The following ROBO1 variants were observed in gnomAD, a reference collection of about 807,000 sequenced individuals.
ROBO1 encodes the protein roundabout guidance receptor 1, also known as roundabout homolog 1.
Under a neutral mutation model 195.9 loss-of-function variants are expected in ROBO1, and 149 were observed. That is an observed-to-expected ratio of 0.76 (90% CI 0.67 to 0.87). The LOEUF (loss-of-function observed/expected upper bound fraction) is 0.87. ROBO1 is among the 40% of genes least tolerant of loss of function. The probability of loss-of-function intolerance (pLI) is 0.00; values close to 1 mark genes in which losing one functional copy is unlikely to be tolerated. For synonymous variants in ROBO1, 816 were observed against 733.2 expected (o/e 1.11, Z -1.82); for missense variants, 1,933 against 2,068.3 (o/e 0.93, Z 1.27).
chr3:79,509,655 A>T (rs1261031455), intron 2 of ROBO1, among the ~76,000 whole-genome samples: 1 of 152,102 alleles, frequency 6.6e-6, no homozygotes, highest in Non-Finnish European at 1.5e-5. Flanking sequence ...TCTGTTTAAC[A>T]TTACCCCGCA....
At chr3:79,375,327 T>C (rs2036342211) in intron 2 of ROBO1, among the ~76,000 whole-genome samples, 2 of 152,122 alleles carry the variant, frequency 1.3e-5, no homozygotes, top group Non-Finnish European at 2.9e-5. Context: ...GAGTCTACTA[T>C]GGCATGGACT....
intron 2 of ROBO1, among the ~76,000 whole-genome samples, chr3:79,581,077 A>G (rs1234126933): frequency 6.6e-6 from 1 of 152,182 alleles, no homozygotes; most frequent in Non-Finnish European, 1.5e-5. Flanking sequence ...TATAGAAAAA[A>G]TAGTTGAATG....
chr3:79,681,339 T>C (rs1245586260), intron 1 of ROBO1, among the ~76,000 whole-genome samples: 1 of 140,542 alleles, frequency 7.1e-6, no homozygotes, highest in African/African-American at 2.6e-5. Context: ...CCTATTATAA[T>C]GTCTTCAGGG....
intron 2 of ROBO1, among the ~76,000 whole-genome samples, chr3:79,494,709 AC>A (rs1939638037): frequency 6.6e-6 from 1 of 152,194 alleles, no homozygotes; most frequent in Non-Finnish European, 1.5e-5. Flanking sequence ...ATTGGTTTCC[AC>A]AAAAAAAGTG....
At chr3:78,851,107 C>T (rs2034034419) in intron 4 of ROBO1, among the ~76,000 whole-genome samples, 1 of 152,132 alleles carries the variant, frequency 6.6e-6, no homozygotes, top group African/African-American at 2.4e-5. Flanking sequence ...CACGCCCGGT[C>T]ACACCTATCA....
At chr3:79,622,601 G>C (rs901564224) in intron 1 of ROBO1, among the ~76,000 whole-genome samples, 2 of 152,186 alleles carry the variant, frequency 1.3e-5, no homozygotes, top group Non-Finnish European at 1.5e-5. Context: ...GCCTGACCCT[G>C]ACCCATCCTT....
At chr3:79,755,254 A>C (rs542738902) in intron 1 of ROBO1, among the ~76,000 whole-genome samples, 1 of 152,056 alleles carries the variant, frequency 6.6e-6, no homozygotes, top group East Asian at 1.9e-4. Flanking sequence ...TAATTGCTTA[A>C]TTTTTCTAAA....
chr3:79,596,922 T>C (rs112186303), intron 1 of ROBO1, among the ~76,000 whole-genome samples: 10 of 152,020 alleles, frequency 6.6e-5, no homozygotes, highest in African/African-American at 2.4e-4. Flanking sequence ...TATTATAGCA[T>C]GTATGGTGAA....
intron 4 of ROBO1, among the ~76,000 whole-genome samples, chr3:78,861,896 A>C (rs1376251819): frequency 6.6e-6 from 1 of 152,222 alleles, no homozygotes; most frequent in East Asian, 1.9e-4. Flanking sequence ...GGAACAGGGA[A>C]AGGCTGCCTG....
At chr3:79,182,570 T>TGTGTGC (rs779706587) in intron 2 of ROBO1, among the ~76,000 whole-genome samples, 44 of 150,030 alleles carry the variant, frequency 2.9e-4, no homozygotes, top group African/African-American at 8.7e-4. Context: ...TGTGTGTGTG[T>TGTGTGC]GCGTGCGTGC....
chr3:78,861,549 A>G (rs938290594), intron 4 of ROBO1, among the ~76,000 whole-genome samples: 1 of 152,178 alleles, frequency 6.6e-6, no homozygotes, highest in African/African-American at 2.4e-5. Flanking sequence ...CATTTTCATT[A>G]CATATTGCCA....
At chr3:78,905,402 C>T (rs1261333344) in intron 4 of ROBO1, among the ~76,000 whole-genome samples, 1 of 151,974 alleles carries the variant, frequency 6.6e-6, no homozygotes, top group Non-Finnish European at 1.5e-5. Context: ...CTTTGGGAGG[C>T]CAAGATGGGA....
intron 3 of ROBO1, among the ~76,000 whole-genome samples, chr3:78,946,498 G>T (rs577308673): frequency 1.9e-4 from 29 of 152,288 alleles, no homozygotes; most frequent in East Asian, 1.2e-3. Context: ...CACCAGGCCT[G>T]CCCTAAAAGA....
chr3:79,237,351 G>A (rs1006504392), intron 2 of ROBO1, among the ~76,000 whole-genome samples: 1 of 151,862 alleles, frequency 6.6e-6, no homozygotes, highest in Non-Finnish European at 1.5e-5. Flanking sequence ...GCGTGGTGGC[G>A]GCGCCTGTAG....
At chr3:79,553,542 A>C (rs1350648338) in intron 2 of ROBO1, among the ~76,000 whole-genome samples, 1 of 152,132 alleles carries the variant, frequency 6.6e-6, no homozygotes, top group Non-Finnish European at 1.5e-5. Flanking sequence ...AAAAGTGTTT[A>C]CTGTGTGGTC....
intron 2 of ROBO1, among the ~76,000 whole-genome samples, chr3:79,186,190 T>C (rs1443633530): frequency 1.3e-5 from 2 of 152,130 alleles, no homozygotes; most frequent in African/African-American, 2.4e-5. Context: ...AAGTTAACTT[T>C]ATTTGCTCTT....
In ROBO1 at chr3:79,051,888, C is replaced by A. The variant is rs181555364; in HGVS notation, c.172+73568G>T. On this transcript the variant is annotated intron_variant, in intron 3 of 30. Coordinates refer to ENST00000464233, the MANE Select transcript of ROBO1 (RefSeq NM_002941.4). Reference sequence around the variant, plus strand: ...TTATACTTTCCTATTCCCGTCTTTACTTTAATCTCTTAATCCCATCATCTT... The same window carrying A: ...TTATACTTTCCTATTCCCGTCTTTAATTTAATCTCTTAATCCCATCATCTT... 6.0e-3 allele frequency among the ~76,000 whole-genome samples: 908 copies of A among 152,192 alleles called. 8 individuals are homozygous for A. The highest frequency in any genetic ancestry group is 7.5e-3 in the Non-Finnish European group (508 of 68,002).
intron 2 of ROBO1, among the ~76,000 whole-genome samples, chr3:79,448,326 G>C (rs1240985597): frequency 1.3e-5 from 2 of 152,118 alleles, no homozygotes; most frequent in African/African-American, 4.8e-5. Flanking sequence ...TTCATTTATA[G>C]CAAGAAGTTT....
At position 79,162,052 on chromosome 3, in the gene ROBO1, T is replaced by C. The variant is rs570603278; in HGVS notation, c.89-36513A>G. ...TTCCTTCCTCCTCTCAAGTTCATTTTTTTTTCTACTGTTTTGAATCAGGAA... is the reference window on the plus strand; with the variant it reads ...TTCCTTCCTCCTCTCAAGTTCATTTCTTTTTCTACTGTTTTGAATCAGGAA... On this transcript the variant is annotated intron_variant, in intron 2 of 30. Transcript: ENST00000464233. Among the ~76,000 whole-genome samples, 184 of 152,254 alleles carry C rather than the reference T, an allele frequency of 1.2e-3. 1 individual carries two copies. Among genetic ancestry groups the C allele is most frequent in the African/African-American group, 4.2e-3 (176 of 41,550 alleles).
Sources: allele counts gnomAD v4.1 joint callset (sites outside exome capture counted in the v4.1 genomes callset), GRCh38; gene constraint gnomAD v4.1.1; transcripts MANE v1.5; gene names NCBI Gene and HGNC (gene_info 2026-07-23, HGNC 2026-07-21).